INTS13: variants seen among roughly 807,000 people sequenced by gnomAD.
INTS13 encodes integrator complex subunit 13.
A neutral mutation model predicts 90.2 loss-of-function variants in INTS13; 35 were observed. The ratio of observed to expected loss-of-function variants is 0.39; its 90% CI spans 0.30 to 0.51. The LOEUF (loss-of-function observed/expected upper bound fraction) is 0.51. Ranked by LOEUF, INTS13 falls within the 20% of genes least tolerant of loss-of-function variation. INTS13 has a pLI of 0.80. For missense variants in INTS13, 601 were observed against 851.2 expected (o/e 0.71, Z 3.66); for synonymous variants, 309 against 277.1 (o/e 1.11, Z -1.14).
chr12:26,908,782 C>A (rs1951687498), intron 15 of INTS13, among the ~76,000 whole-genome samples: 1 of 152,136 alleles, frequency 6.6e-6, no homozygotes, highest in African/African-American at 2.4e-5. Context: ...AAGGAAAAAA[C>A]AAACACTTTT....
chr12:26,913,188 T>C (rs1001507706), intron 14 of INTS13, among the ~76,000 whole-genome samples: 2 of 152,182 alleles, frequency 1.3e-5, no homozygotes, highest in East Asian at 1.9e-4. Context: ...ATAAAGCACA[T>C]ACTGATACCA....
intron 3 of INTS13, 191 bp from the exon 4 acceptor site, chr12:26,929,096 G>A: frequency 1.8e-6 from 1 of 546,418 alleles, no homozygotes; most frequent in Non-Finnish European, 3.2e-6. Flanking sequence ...TTTATTCTAG[G>A]AATGCAAAGT....
At chr12:26,914,233 G>T in intron 12 of INTS13, 105 bp from the exon 13 acceptor site, 1 of 1,212,084 alleles carries the variant, frequency 8.3e-7, no homozygotes, top group Non-Finnish European at 1.1e-6. Flanking sequence ...GATTATCATG[G>T]TGAAGGAATC....
At chr12:26,919,955 C>T (rs1272747205) in intron 8 of INTS13, among the ~76,000 whole-genome samples, 4 of 151,968 alleles carry the variant, frequency 2.6e-5, no homozygotes, top group Admixed American at 2.6e-4. Flanking sequence ...GGTGAAACCC[C>T]GTCTCTATTA....
intron 2 of INTS13, among the ~76,000 whole-genome samples, chr12:26,934,868 T>C (rs563613465): frequency 2.0e-5 from 3 of 151,602 alleles, no homozygotes; most frequent in African/African-American, 7.3e-5. Context: ...GGGAGGGGAG[T>C]CTACTAGGAC....
intron 2 of INTS13, among the ~76,000 whole-genome samples, 183 bp from the exon 3 acceptor site, chr12:26,934,813 T>C (rs983343559): frequency 1.3e-5 from 2 of 152,016 alleles, no homozygotes; most frequent in African/African-American, 4.8e-5. Context: ...GGGAATAGAG[T>C]GATGAATAAA....
chr12:26,914,543 A>G lies in INTS13; in HGVS notation c.1284T>C (p.Thr428=), dbSNP rs752666171. 1 of 1,613,534 alleles carries G rather than the reference A, an allele frequency of 6.2e-7. No homozygotes were observed. The highest frequency in any genetic ancestry group is 8.5e-7 in the Non-Finnish European group (1 of 1,179,730). The change falls in exon 12 of 17, where the codon ACT becomes ACC. Residue 428 remains threonine, a synonymous_variant. Transcript: ENST00000261191. ...FGEFMRENRL[T]PFLDPRYKID... ...TTTTATATCTGGGGTCTAGAAAAGG[A>G]GTTAATCTGTTTTCCCTCATAAATT...
chr12:26,917,527 G>T, intron 9 of INTS13, 86 bp from the exon 10 acceptor site: 1 of 1,211,076 alleles, frequency 8.3e-7, no homozygotes. Flanking sequence ...TCTTCACTGA[G>T]TTCATTGAGT....
intron 5 of INTS13, 128 bp downstream of exon 5, chr12:26,928,077 C>A: frequency 1.8e-6 from 1 of 569,392 alleles, no homozygotes. Context: ...ATCAAACATA[C>A]ATTTTTTGAC....
intron 2 of INTS13, among the ~76,000 whole-genome samples, chr12:26,935,634 C>T (rs1938419918): frequency 6.6e-6 from 1 of 152,212 alleles, no homozygotes; most frequent in Non-Finnish European, 1.5e-5. Context: ...GTTAACCACG[C>T]CAAGGTCTGA....
At position 26,931,305 on chromosome 12, in the gene INTS13, A is replaced by G. The variant is rs190319902; in HGVS notation, c.301-2400T>C. Among the ~76,000 whole-genome samples the G allele has an allele frequency of 4.2e-4, 64 of 152,156 alleles. 1 individual carries two copies. The East Asian group carries it at 6.6e-3, about 16-fold the overall frequency. ...GAAAAATACAAAAAATTAGCCAGGC[A>G]TGGTGGCACACACCTGTAGTCCCAG... is the stretch of plus-strand genomic sequence containing the variant. On this transcript the variant is annotated intron_variant, in intron 3 of 16. Transcript: ENST00000261191.
At position 26,916,072 on chromosome 12, in the gene INTS13, C is replaced by A. The variant is rs751052341; in HGVS notation, c.1178G>T (p.Arg393Leu). 6.2e-7 allele frequency: 1 copy of A among 1,613,844 alleles called. No homozygotes were observed. The highest frequency in any genetic ancestry group is 8.5e-7 in the Non-Finnish European group (1 of 1,179,892). ...EIFLHVLSSS[R>L]SILEDPPSIS... is the part of the protein sequence containing the mutation. ...TGAAGGTGGATCTTCTAGAATGGAT[C>A]GAGAACTGCTAAGGACGTGCAAAAA... is the stretch of plus-strand genomic sequence containing the variant. Residue 393 changes from arginine to leucine, a missense_variant, in exon 11 of 17, where the codon CGA becomes CTA. Coordinates refer to ENST00000261191, the MANE Select transcript of INTS13 (RefSeq NM_018164.3).
chr12:26,922,776 G>C, intron 7 of INTS13, 76 bp from the exon 8 acceptor site: 2 of 890,298 alleles, frequency 2.2e-6, no homozygotes, highest in East Asian at 5.7e-5. Flanking sequence ...TTATTCATTT[G>C]CTTTTTGTTT....
chr12:26,938,123 G>T (rs955616050), upstream of INTS13: 1 of 152,250 alleles, frequency 6.6e-6, no homozygotes, highest in African/African-American at 2.4e-5. Context: ...CGGGGCCAAG[G>T]AGGAAAAAAA....
At position 26,914,050 on chromosome 12, in the gene INTS13, T is replaced by C; in HGVS notation, c.1498A>G (p.Asn500Asp). ...TTTTTTCTTTCCATATCAACTAAGT[T>C]GTATATTGTTTTTTGACAGTTTAAC... ...DVLNCQKTIY[N>D]LVDMERKNDP... The change falls in exon 13 of 17, where the codon AAC becomes GAC. Residue 500 changes from asparagine (N) to aspartate (D), a missense_variant. Transcript: ENST00000261191. 6.2e-7 allele frequency: 1 copy of C among 1,611,810 alleles called. No homozygotes were observed. Among genetic ancestry groups the C allele is most frequent in the Non-Finnish European group, 8.5e-7 (1 of 1,179,076 alleles).
At position 26,911,323 on chromosome 12, in the gene INTS13, A is replaced by G. The variant is rs769463337; in HGVS notation, c.1806-6T>C. On this transcript the variant is annotated splice_polypyrimidine_tract_variant and splice_region_variant and intron_variant, in intron 14 of 16. Coordinates refer to ENST00000261191, the MANE Select transcript of INTS13 (RefSeq NM_018164.3). The stretch of plus-strand genomic sequence containing the variant: ...GCTCTAAGATTCCTTTTAATCTTTT[A>G]GAGGGACAAATAATGAAATGTAAAG... 1.1e-5 allele frequency: 17 copies of G among 1,598,552 alleles called. No individual in the cohort carries two copies. Among genetic ancestry groups the G allele is most frequent in the African/African-American group, 1.4e-5 (1 of 73,570 alleles).
At chr12:26,935,835 C>T (rs1234509907) in intron 2 of INTS13, among the ~76,000 whole-genome samples, 1 of 152,148 alleles carries the variant, frequency 6.6e-6, no homozygotes. Flanking sequence ...TAGGTCCCAG[C>T]GCTTCGAGTA....
chr12:26,920,229 C>CCTAA (rs1952070397), intron 8 of INTS13, among the ~76,000 whole-genome samples: 1 of 152,110 alleles, frequency 6.6e-6, no homozygotes, highest in Non-Finnish European at 1.5e-5. Context: ...GTAAAACCTG[C>CCTAA]CTAACTCTTA....
intron 3 of INTS13, among the ~76,000 whole-genome samples, chr12:26,929,906 G>C (rs970217211): frequency 1.1e-4 from 17 of 152,102 alleles, no homozygotes; most frequent in Non-Finnish European, 1.9e-4. Flanking sequence ...CAGATGACAT[G>C]ATCCTGAATT....
Sources: allele counts gnomAD v4.1 joint callset (sites outside exome capture counted in the v4.1 genomes callset), GRCh38; gene constraint gnomAD v4.1.1; transcripts MANE v1.5; gene names NCBI Gene and HGNC (gene_info 2026-07-23, HGNC 2026-07-21).